Variants in KDM2A observed in about 807,000 individuals in gnomAD.
KDM2A encodes lysine-specific demethylase 2A.
A neutral mutation model predicts 137.3 loss-of-function variants in KDM2A; 3 were observed. The observed-to-expected ratio is 0.02, with a 90% confidence interval of 0.01 to 0.06. The LOEUF (loss-of-function observed/expected upper bound fraction) is 0.06. KDM2A is among the 10% of genes least tolerant of loss of function. The pLI is 1.00. For missense variants in KDM2A, 738 were observed against 1,510.6 expected, an observed-to-expected ratio of 0.49 and a Z score of 8.48; for synonymous variants, 512 against 541.5, an observed-to-expected ratio of 0.95 and a Z score of 0.76.
chr11:67,200,929 C>T (rs1020709041), intron 5 of KDM2A, among the ~76,000 whole-genome samples: 4 of 152,042 alleles, frequency 2.6e-5, no homozygotes, highest in Non-Finnish European at 5.9e-5. Context: ...CACAGTGGCT[C>T]ACACCTGTAA....
At chr11:67,240,382 A>G in intron 12 of KDM2A, 1 of 1,533,130 alleles carries the variant, frequency 6.5e-7, no homozygotes, top group East Asian at 2.4e-5. Flanking sequence ...CAGGGGGTCG[A>G]TCGGCAAACC....
rs1448491458 is a variant in KDM2A at position 67,250,163 on chromosome 11, T to C, written c.2133T>C (p.Pro711=). 1 of 1,613,650 alleles carries C rather than the reference T, an allele frequency of 6.2e-7. No homozygotes were observed. Among genetic ancestry groups the C allele is most frequent in the South Asian group, 1.1e-5 (1 of 91,018 alleles). Reference sequence around the variant, plus strand: ...GGCCCCTGCGGAGCTGCGATGAGCCTCTCACGCCCCCGCCTCATTCACCCA... The same window carrying C: ...GGCCCCTGCGGAGCTGCGATGAGCCCCTCACGCCCCCGCCTCATTCACCCA... ...VLRPLRSCDE[P]LTPPPHSPTS... Residue 711 remains proline, a synonymous_variant, in exon 17 of 21, where the codon CCT becomes CCC. Transcript: ENST00000529006. The surrounding 1 kb of genome is among the most constrained non-coding windows in gnomAD (Gnocchi z 7.1).
chr11:67,170,449 G>A (rs1856858782), intron 2 of KDM2A, among the ~76,000 whole-genome samples: 2 of 113,384 alleles, frequency 1.8e-5, no homozygotes, highest in Admixed American at 2.8e-4. Context: ...GTCTCGCTCT[G>A]TCGCCCAGGC....
intron 16 of KDM2A, 141 bp from the exon 17 acceptor site, chr11:67,249,945 C>T (rs889854888): frequency 2.8e-5 from 19 of 684,362 alleles, no homozygotes; most frequent in Admixed American, 9.9e-5. Context: ...CAGCCTGGGC[C>T]GACTCTGAGG....
At chr11:67,126,387 C>T (rs1294269366) in intron 2 of KDM2A, among the ~76,000 whole-genome samples, 1 of 151,998 alleles carries the variant, frequency 6.6e-6, no homozygotes, top group African/African-American at 2.4e-5. Flanking sequence ...CCAGTCTGGG[C>T]AACATAGACC....
chr11:67,255,088 A>G lies in KDM2A; in HGVS notation c.*33A>G, dbSNP rs1269745826. 2.5e-6 allele frequency: 4 copies of G among 1,582,040 alleles called. No homozygotes were observed. In the South Asian group the frequency reaches 4.6e-5, roughly 18 times the overall value. On this transcript the variant is annotated 3_prime_UTR_variant, in exon 21 of 21. Coordinates refer to ENST00000529006, the MANE Select transcript of KDM2A (RefSeq NM_012308.3). ...CCAGCCCAGATTCAACAGGAAACCG[A>G]TCTTCCCCTGACTCCCCACCGAGGA...
At chr11:67,147,900 A>G (rs117509869) in intron 2 of KDM2A, among the ~76,000 whole-genome samples, 2 of 151,862 alleles carry the variant, frequency 1.3e-5, no homozygotes, top group African/African-American at 4.8e-5. Flanking sequence ...GCTGTTCTGG[A>G]ACTCCTGACC....
chr11:67,204,354 T>A (rs1301161894), intron 5 of KDM2A, among the ~76,000 whole-genome samples: 1 of 152,178 alleles, frequency 6.6e-6, no homozygotes, highest in Non-Finnish European at 1.5e-5. Flanking sequence ...ATTCTCCGTT[T>A]TCTCCTCCAC....
At position 67,256,379 on chromosome 11, in the gene KDM2A, G is replaced by A. The variant is rs925907792; in HGVS notation, c.*1324G>A. ...AAAAAAAAAGAAAGAAAGAAAGGTC[G>A]GAATTTCTTTTGGGTCAATATTTTT... On this transcript the variant is annotated 3_prime_UTR_variant, in exon 21 of 21. Coordinates refer to ENST00000529006, the MANE Select transcript of KDM2A (RefSeq NM_012308.3). 7 of 152,482 alleles carry A rather than the reference G, an allele frequency of 4.6e-5. No individual in the cohort carries two copies. Among genetic ancestry groups the A allele is most frequent in the African/African-American group, 7.2e-5 (3 of 41,406 alleles). 9.4% of individuals were successfully genotyped at this position (152,482 alleles called of 1,614,324 possible). A position where few individuals can be genotyped will look rare whatever the true frequency, so the allele number is the denominator to read the frequency against.
chr11:67,255,464 CCT>C lies in KDM2A; in HGVS notation c.*410_*411del, dbSNP rs1226028805. The C allele has an allele frequency of 6.5e-6, 3 of 459,602 alleles. No individual in the cohort carries two copies. The Admixed American group carries it at 7.0e-5, about 11-fold the overall frequency. 28.5% of individuals were successfully genotyped at this position (459,602 alleles called of 1,614,324 possible). ...GCAAACTCCCAGGGAAGAAAACGGCCCTGTCTCCATGGCCAGGTTCTTGTGGT... is the reference window on the plus strand; with the variant it reads ...GCAAACTCCCAGGGAAGAAAACGGCCGTCTCCATGGCCAGGTTCTTGTGGT... On this transcript the variant is annotated 3_prime_UTR_variant, in exon 21 of 21. Transcript: ENST00000529006.
chr11:67,131,140 C>T (rs1475466629), intron 2 of KDM2A, among the ~76,000 whole-genome samples: 1 of 152,048 alleles, frequency 6.6e-6, no homozygotes, highest in East Asian at 1.9e-4. Flanking sequence ...GCCTGGCCAA[C>T]ATGACGAAAC....
chr11:67,231,793 G>T lies in KDM2A; in HGVS notation c.1312G>T (p.Val438Leu). 1 of 1,614,050 alleles carries T rather than the reference G, an allele frequency of 6.2e-7. No homozygotes were observed. Among genetic ancestry groups the T allele is most frequent in the South Asian group, 1.1e-5 (1 of 91,088 alleles). ...DCSRGSHNGQ[V>L]WDPQCAPRKD... ...TAGCCGGGGCTCCCACAATGGACAA[G>T]TGTGGGATCCCCAGTGTGCTCCCCG... Residue 438 changes from valine to leucine, a missense_variant, in exon 12 of 21, where the codon GTG (valine) becomes TTG (leucine). Physicochemically the swap from Val to Leu is conservative, Grantham distance 32. This residue lies in a region of KDM2A where 113 missense variants were observed against 133.5 expected (regional missense o/e 0.85). Transcript: ENST00000529006.
At chr11:67,204,732 C>A (rs182106102) in intron 5 of KDM2A, among the ~76,000 whole-genome samples, 1 of 152,050 alleles carries the variant, frequency 6.6e-6, no homozygotes, top group Non-Finnish European at 1.5e-5. Flanking sequence ...ACCTCGTGAT[C>A]CACCCACCTC....
chr11:67,122,477 C>A (rs1590696868), intron 2 of KDM2A, among the ~76,000 whole-genome samples: 1 of 152,010 alleles, frequency 6.6e-6, no homozygotes, highest in Non-Finnish European at 1.5e-5. Context: ...TAGGCATGTG[C>A]CACCACGTCC....
At chr11:67,125,771 T>C (rs1590701018) in intron 2 of KDM2A, among the ~76,000 whole-genome samples, 1 of 137,388 alleles carries the variant, frequency 7.3e-6, no homozygotes, top group African/African-American at 2.7e-5. Context: ...AGAGTGAGAC[T>C]CCATCTCAAA....
At chr11:67,155,710 G>C (rs992515008) in intron 2 of KDM2A, among the ~76,000 whole-genome samples, 1 of 150,964 alleles carries the variant, frequency 6.6e-6, no homozygotes, top group African/African-American at 2.4e-5. Context: ...TCTGTCTCCC[G>C]GGTTCAAGCA....
chr11:67,133,450 T>C (rs976573903), intron 2 of KDM2A, among the ~76,000 whole-genome samples: 3 of 152,102 alleles, frequency 2.0e-5, no homozygotes, highest in Admixed American at 1.3e-4. Context: ...TTGCCCAGGC[T>C]GGAGTGCAGT....
intron 2 of KDM2A, among the ~76,000 whole-genome samples, chr11:67,141,917 G>T (rs1275684028): frequency 6.6e-6 from 1 of 151,806 alleles, no homozygotes; most frequent in East Asian, 1.9e-4. Flanking sequence ...GTGAGAACAC[G>T]TGATACTTCT....
rs1859592271 is a variant in KDM2A, at chr11:67,255,940, C to T, written c.*885C>T. On this transcript the variant is annotated 3_prime_UTR_variant, in exon 21 of 21. Transcript: ENST00000529006. ...AGAAGGCTTTCCCAGGATGCACGTCCTCAGAGGGAGCAGCCTATCTCCCCC... is the reference window on the plus strand; with the variant it reads ...AGAAGGCTTTCCCAGGATGCACGTCTTCAGAGGGAGCAGCCTATCTCCCCC... 1 of 229,146 alleles carries T rather than the reference C, an allele frequency of 4.4e-6. No homozygotes were observed. Among genetic ancestry groups the T allele is most frequent in the Non-Finnish European group, 8.9e-6 (1 of 112,898 alleles). The allele number at this position is 229,146 out of a possible 1,614,324, so 14.2% of individuals were successfully genotyped here.
Sources: allele counts gnomAD v4.1 joint callset (sites outside exome capture counted in the v4.1 genomes callset), GRCh38; gene constraint gnomAD v4.1.1; regional missense constraint gnomAD v4.1.1; non-coding constraint Gnocchi (gnomAD v3.1); transcripts MANE v1.5; gene names NCBI Gene and HGNC (gene_info 2026-07-23, HGNC 2026-07-21).